The following XKR6 variants were observed in gnomAD, a reference collection of about 807,000 sequenced individuals.
The protein encoded by XKR6 is XK related 6, also known as XK-related protein 6.
In XKR6, 22 loss-of-function variants were observed where a neutral mutation model predicts 56.7. The observed-to-expected ratio is 0.39, with a 90% CI of 0.28 to 0.55. The LOEUF is 0.55. XKR6 is among the 20% of genes least tolerant of loss of function. XKR6 has a pLI of 0.66. For synonymous variants in XKR6, 524 were observed against 387.8 expected (o/e 1.35, Z -4.13); for missense variants, 852 against 889.0 (o/e 0.96, Z 0.53).
intron 1 of XKR6, among the ~76,000 whole-genome samples, chr8:11,166,378 GTTTCCCAGCT>G (rs1802073511): frequency 6.6e-6 from 1 of 152,082 alleles, no homozygotes; most frequent in Non-Finnish European, 1.5e-5. Flanking sequence ...CTGAAAGTTT[GTTTCCCAGCT>G]AAATTCATGC....
Position 11,059,651 on chromosome 8 carries a change from G to A in XKR6, c.765-134821C>T, listed in dbSNP as rs966228889. On this transcript the variant is annotated intron_variant, in intron 1 of 2. Transcript: ENST00000416569. ...GGGCGCGGGGCGGGGCGGGACAGGT[G>A]CGGGGGGCGCGGGGCGGGACAGGTG... Among the ~76,000 whole-genome samples, 245 of 150,894 alleles carry A rather than the reference G, an allele frequency of 1.6e-3. 2 individuals are homozygous for A. The highest frequency in any genetic ancestry group is 0.014 in the Middle Eastern group (4 of 292).
chr8:11,140,264 T>G (rs1380350456), intron 1 of XKR6, among the ~76,000 whole-genome samples: 1 of 152,154 alleles, frequency 6.6e-6, no homozygotes, highest in Non-Finnish European at 1.5e-5. Flanking sequence ...GGACAAATAC[T>G]GAAGACTACA....
chr8:10,898,969 G>A lies in XKR6; in HGVS notation c.962-53C>T. ...TCAAAACCTTGGACATCAACCGCAGGGCACAGTGAAGCTGCCGGCTGAGGA... is the reference window on the plus strand; with the variant it reads ...TCAAAACCTTGGACATCAACCGCAGAGCACAGTGAAGCTGCCGGCTGAGGA... On this transcript the variant is annotated intron_variant, in intron 2 of 2. Coordinates refer to ENST00000416569, the MANE Select transcript of XKR6 (RefSeq NM_173683.4). This position sits in a 1 kb window ranked among gnomAD's most constrained non-coding sequence, Gnocchi z 6.6. 6.5e-7 allele frequency: 1 copy of A among 1,527,642 alleles called. No individual in the cohort carries two copies. Among genetic ancestry groups the A allele is most frequent in the Non-Finnish European group, 8.7e-7 (1 of 1,144,668 alleles). The allele number at this position is 1,527,642 out of a possible 1,614,324, so 94.6% of individuals were successfully genotyped here.
intron 1 of XKR6, among the ~76,000 whole-genome samples, chr8:11,192,307 T>C (rs945402217): frequency 6.6e-6 from 1 of 151,922 alleles, no homozygotes; most frequent in African/African-American, 2.4e-5. Context: ...TACAGGCGCG[T>C]GCCACCACGC....
At chr8:11,005,637 T>A (rs1166213195) in intron 1 of XKR6, among the ~76,000 whole-genome samples, 1 of 152,138 alleles carries the variant, frequency 6.6e-6, no homozygotes, top group African/African-American at 2.4e-5. Context: ...TATGGTACGA[T>A]GTGTTCGTTA....
chr8:11,194,112 C>T (rs1002518864), intron 1 of XKR6, among the ~76,000 whole-genome samples: 1 of 152,350 alleles, frequency 6.6e-6, no homozygotes, highest in South Asian at 2.1e-4. Context: ...AGGAGACATA[C>T]ACACTTGCTT....
intron 1 of XKR6, among the ~76,000 whole-genome samples, chr8:10,929,093 C>G (rs1800984934): frequency 6.6e-6 from 1 of 152,200 alleles, no homozygotes; most frequent in Non-Finnish European, 1.5e-5. Context: ...GAGGGGCAGG[C>G]AGGAGGGATC....
At chr8:10,908,159 G>A (rs1043179833) in intron 2 of XKR6, among the ~76,000 whole-genome samples, 2 of 152,232 alleles carry the variant, frequency 1.3e-5, no homozygotes, top group African/African-American at 4.8e-5. Context: ...CTGCCGGGCA[G>A]AAGACTGTGC....
chr8:10,944,945 T>C (rs951606656), intron 1 of XKR6, among the ~76,000 whole-genome samples: 2 of 152,136 alleles, frequency 1.3e-5, no homozygotes, highest in African/African-American at 4.8e-5. Flanking sequence ...CCAGGGGACA[T>C]GGCAGAGGAA....
At chr8:10,953,574 T>C (rs1361988971) in intron 1 of XKR6, among the ~76,000 whole-genome samples, 2 of 152,248 alleles carry the variant, frequency 1.3e-5, no homozygotes, top group Non-Finnish European at 2.9e-5. Context: ...GGTCTTGCCA[T>C]GTTGCCCAGC....
At chr8:10,925,742 G>A (rs1800863429) in intron 1 of XKR6, among the ~76,000 whole-genome samples, 3 of 152,188 alleles carry the variant, frequency 2.0e-5, no homozygotes, top group Admixed American at 1.3e-4. Context: ...ATCGCAGGGT[G>A]CATGGGAAGA....
intron 1 of XKR6, among the ~76,000 whole-genome samples, chr8:11,077,869 G>A (rs998167547): frequency 5.9e-5 from 9 of 152,130 alleles, no homozygotes; most frequent in Non-Finnish European, 7.4e-5. Context: ...TCATCAGACC[G>A]GGGACCCAGG....
intron 1 of XKR6, among the ~76,000 whole-genome samples, chr8:11,095,392 G>A (rs1798236237): frequency 1.3e-5 from 2 of 152,174 alleles, no homozygotes; most frequent in Admixed American, 1.3e-4. Context: ...TGTAGTGTTA[G>A]TAACACCTAA....
chr8:11,013,183 C>T (rs1798539042), intron 1 of XKR6, among the ~76,000 whole-genome samples: 1 of 152,170 alleles, frequency 6.6e-6, no homozygotes. Flanking sequence ...AGAGCAGATA[C>T]CATCTATATC....
intron 2 of XKR6, among the ~76,000 whole-genome samples, chr8:10,909,318 T>C (rs192753769): frequency 2.6e-5 from 4 of 152,306 alleles, no homozygotes; most frequent in East Asian, 3.9e-4. Context: ...CAAATACGCT[T>C]CTATTCTTCA....
At position 11,045,619 on chromosome 8, in the gene XKR6, G is replaced by C. The variant is rs115551989; in HGVS notation, c.765-120789C>G. 2.4e-3 allele frequency among the ~76,000 whole-genome samples: 368 copies of C among 152,322 alleles called. 1 individual carries two copies. Among genetic ancestry groups the C allele is most frequent in the African/African-American group, 8.6e-3 (359 of 41,574 alleles). ...GGGAGGGTTAAATTAAACAATGTGT[G>C]TATAGTGCTGAGTGTTGCGGACAGC... On this transcript the variant is annotated intron_variant, in intron 1 of 2. Transcript: ENST00000416569.
At chr8:10,962,243 A>G (rs969218984) in intron 1 of XKR6, among the ~76,000 whole-genome samples, 1 of 152,190 alleles carries the variant, frequency 6.6e-6, no homozygotes, top group African/African-American at 2.4e-5. Context: ...AAAACATAAT[A>G]TTATCATACA....
intron 1 of XKR6, among the ~76,000 whole-genome samples, chr8:10,989,264 G>A (rs1797933994): frequency 6.6e-6 from 1 of 152,174 alleles, no homozygotes; most frequent in Non-Finnish European, 1.5e-5. Flanking sequence ...TAAAATGAAG[G>A]CTGACAGAAT....
chr8:11,045,538 C>T (rs1229571371), intron 1 of XKR6, among the ~76,000 whole-genome samples: 2 of 152,194 alleles, frequency 1.3e-5, no homozygotes, highest in Non-Finnish European at 2.9e-5. Context: ...TTTTAATCTT[C>T]CATTTCCTCT....
Sources: allele counts gnomAD v4.1 joint callset (sites outside exome capture counted in the v4.1 genomes callset), GRCh38; gene constraint gnomAD v4.1.1; non-coding constraint Gnocchi (gnomAD v3.1); transcripts MANE v1.5; gene names NCBI Gene and HGNC (gene_info 2026-07-23, HGNC 2026-07-21).